The following TBCD variants were observed in gnomAD, a reference collection of about 807,000 sequenced individuals.
TBCD encodes the protein tubulin-specific chaperone D.
Under a neutral mutation model 169.3 loss-of-function variants are expected in TBCD, and 105 were observed. That is an observed-to-expected ratio of 0.62 (90% CI 0.53 to 0.73). The LOEUF is 0.73. TBCD is among the 30% of genes least tolerant of loss of function. TBCD has a pLI of 0.00. For missense variants in TBCD, 1,444 were observed against 1,600.1 expected, an observed-to-expected ratio of 0.90 and a Z score of 1.66; for synonymous variants, 700 against 643.9, an observed-to-expected ratio of 1.09 and a Z score of -1.32.
At chr17:82,933,415 G>A (rs548919556) in intron 34 of TBCD, among the ~76,000 whole-genome samples, 3 of 151,382 alleles carry the variant, frequency 2.0e-5, no homozygotes, top group Admixed American at 2.0e-4. Context: ...TCTAATGTAC[G>A]GCTAATGTTT....
At chr17:82,814,812 G>T in intron 12 of TBCD, 28 bp from the exon 13 acceptor site, 2 of 1,611,688 alleles carry the variant, frequency 1.2e-6, no homozygotes, top group African/African-American at 2.7e-5. Flanking sequence ...CACGTGGGCT[G>T]TGGTCTCAGG....
intron 14 of TBCD, 52 bp downstream of exon 14, chr17:82,870,432 C>T (rs2057475112): frequency 7.6e-6 from 12 of 1,579,132 alleles, no homozygotes; most frequent in Admixed American, 5.5e-5. Flanking sequence ...CTGACGGCGC[C>T]GTGTGTCGTT....
At chr17:82,883,543 G>A (rs2058515937) in intron 14 of TBCD, among the ~76,000 whole-genome samples, 1 of 152,238 alleles carries the variant, frequency 6.6e-6, no homozygotes, top group African/African-American at 2.4e-5. Context: ...GCGTCTGTGT[G>A]TGGTGCGGTG....
chr17:82,870,292 G>C lies in TBCD; in HGVS notation c.1387G>C (p.Val463Leu). The C allele has an allele frequency of 6.2e-7, 1 of 1,613,588 alleles. No homozygotes were observed. The highest frequency in any genetic ancestry group is 8.5e-7 in the Non-Finnish European group (1 of 1,179,892). ...KRGACSVGTN[V>L]RDAACYVCWA... ...GGGTGCCTGCAGCGTGGGCACCAAC[G>C]TCAGGGACGCCGCCTGCTACGTGTG... The change falls in exon 14 of 39, where the codon GTC becomes CTC. Residue 463 changes from valine to leucine, a missense_variant. Coordinates refer to ENST00000355528, the MANE Select transcript of TBCD (RefSeq NM_005993.5).
intron 13 of TBCD, among the ~76,000 whole-genome samples, chr17:82,816,314 G>T (rs914480022): frequency 3.3e-5 from 5 of 152,174 alleles, no homozygotes; most frequent in South Asian, 4.1e-4. Context: ...CATCTGGGTT[G>T]TTTCCACCTT....
Position 82,933,330 on chromosome 17 carries a change from A to G in TBCD, c.3191+595A>G, listed in dbSNP as rs551567259. On this transcript the variant is annotated intron_variant, in intron 34 of 38. Transcript: ENST00000355528. ...AGCTCTGTTTCCCAGGCTGGAGTGC[A>G]GTGGCACAATCACAGCTCACTGCAG... 2.2e-5 allele frequency among the ~76,000 whole-genome samples: 3 copies of G among 137,084 alleles called. No homozygotes were observed. In the South Asian group the frequency reaches 7.1e-4, roughly 33 times the overall value. The allele number at this position is 137,084 out of a possible 152,430, so 89.9% of individuals were successfully genotyped here.
intron 21 of TBCD, among the ~76,000 whole-genome samples, chr17:82,909,004 G>C (rs190457971): frequency 6.6e-6 from 1 of 152,338 alleles, no homozygotes; most frequent in Non-Finnish European, 1.5e-5. Flanking sequence ...GTCGGTCTCT[G>C]GGGCCAGAAT....
chr17:82,940,201 A>G (rs1391860207), intron 37 of TBCD, among the ~76,000 whole-genome samples: 33 of 127,770 alleles, frequency 2.6e-4, no homozygotes, highest in Non-Finnish European at 2.2e-4. Context: ...TGGCTCACAC[A>G]CATGCTCACT....
In TBCD at chr17:82,939,624, C is replaced by A. The variant is rs187793206; in HGVS notation, c.3479+148C>A. ...CTCCACATCCTCTGCTTAGGTTTTACAAGGCAGCCGTGCTGCTGTAGCCGA... is the reference window on the plus strand; with the variant it reads ...CTCCACATCCTCTGCTTAGGTTTTAAAAGGCAGCCGTGCTGCTGTAGCCGA... On this transcript the variant is annotated intron_variant, in intron 37 of 38. Transcript: ENST00000355528. 5.2e-5 allele frequency: 35 copies of A among 679,572 alleles called. No individual in the cohort carries two copies. The African/African-American group carries it at 6.1e-4, about 12-fold the overall frequency. 42.1% of individuals were successfully genotyped at this position (679,572 alleles called of 1,614,324 possible). A position where few individuals can be genotyped will look rare whatever the true frequency, so the allele number is the denominator to read the frequency against.
At chr17:82,887,288 C>T (rs1010260730) in intron 15 of TBCD, among the ~76,000 whole-genome samples, 1 of 152,134 alleles carries the variant, frequency 6.6e-6, no homozygotes, top group African/African-American at 2.4e-5. Flanking sequence ...GAGGCCTGTG[C>T]TACTGCTTTG....
intron 13 of TBCD, among the ~76,000 whole-genome samples, chr17:82,819,681 A>G (rs1382877048): frequency 6.6e-6 from 1 of 152,158 alleles, no homozygotes; most frequent in Non-Finnish European, 1.5e-5. Context: ...GCCTGTGGAC[A>G]GTGGGCCATG....
At chr17:82,771,885 C>T (rs1288472106) in intron 5 of TBCD, among the ~76,000 whole-genome samples, 10 of 151,402 alleles carry the variant, frequency 6.6e-5, no homozygotes, top group African/African-American at 1.9e-4. Context: ...GATCGCGCCA[C>T]GGCCCTCCAG....
intron 23 of TBCD, 85 bp downstream of exon 23, chr17:82,911,874 C>A: frequency 7.1e-7 from 1 of 1,412,666 alleles, no homozygotes; most frequent in Non-Finnish European, 9.9e-7. Flanking sequence ...TGCAGGGCGG[C>A]CCATTAGCCC....
At chr17:82,823,263 C>A (rs1281529230) in intron 13 of TBCD, among the ~76,000 whole-genome samples, 1 of 152,210 alleles carries the variant, frequency 6.6e-6, no homozygotes. Context: ...CCCCTGCAGG[C>A]CTGTGTACCT....
chr17:82,852,955 G>A (rs1030284472), intron 13 of TBCD, among the ~76,000 whole-genome samples: 1 of 152,220 alleles, frequency 6.6e-6, no homozygotes, highest in African/African-American at 2.4e-5. Flanking sequence ...CTTGCGATGC[G>A]TTCTGTTTTG....
intron 13 of TBCD, among the ~76,000 whole-genome samples, chr17:82,866,265 C>G (rs1246879595): frequency 1.3e-5 from 2 of 152,126 alleles, no homozygotes; most frequent in African/African-American, 4.8e-5. Context: ...CCCTTTATCC[C>G]GAGCAGGAGA....
intron 7 of TBCD, among the ~76,000 whole-genome samples, chr17:82,784,780 C>T (rs1380098488): frequency 6.6e-6 from 1 of 152,084 alleles, no homozygotes; most frequent in South Asian, 2.1e-4. Context: ...AAGAATGGGC[C>T]GCTACTGCCA....
chr17:82,933,271 G>GTTT (rs1555667438), intron 34 of TBCD, among the ~76,000 whole-genome samples: 2 of 81,602 alleles, frequency 2.5e-5, no homozygotes, highest in African/African-American at 4.2e-5. Flanking sequence ...TGTTGGGCCA[G>GTTT]TCTTTTTTTT....
In TBCD at chr17:82,806,048, C is replaced by T. The variant is rs764004013; in HGVS notation, c.1087+37C>T. ...CTAAGCGGCGGCCTCTGCTCTTGGGCACCGTCGGGCCAATTCCCCTCTACT... is the reference window on the plus strand; with the variant it reads ...CTAAGCGGCGGCCTCTGCTCTTGGGTACCGTCGGGCCAATTCCCCTCTACT... On this transcript the variant is annotated intron_variant, in intron 10 of 38. Coordinates refer to ENST00000355528, the MANE Select transcript of TBCD (RefSeq NM_005993.5). The surrounding 1 kb of genome is among the most constrained non-coding windows in gnomAD (Gnocchi z 5.1). The T allele has an allele frequency of 6.3e-7, 1 of 1,599,788 alleles. No individual in the cohort carries two copies. Among genetic ancestry groups the T allele is most frequent in the East Asian group, 2.2e-5 (1 of 44,468 alleles).
Sources: gnomAD v4.1 joint callset for allele counts (sites outside exome capture counted in the v4.1 genomes callset) on GRCh38, gnomAD v4.1.1 for gene constraint, Gnocchi (gnomAD v3.1) non-coding constraint, MANE v1.5 for transcripts, NCBI Gene and HGNC (gene_info 2026-07-23, HGNC 2026-07-21) for gene names.